The following NELL2 variants were observed in gnomAD, a reference collection of about 807,000 sequenced individuals.
NELL2 encodes neural EGFL like 2, also known as protein kinase C-binding protein NELL2.
NELL2 carries 41 observed loss-of-function variants against 109.6 expected under a neutral mutation model. That is an observed-to-expected ratio of 0.37 (90% CI 0.29 to 0.49). The LOEUF (loss-of-function observed/expected upper bound fraction) is 0.49. Among genes scored for constraint, NELL2 ranks in the 20% least tolerant of loss-of-function variants. The probability of loss-of-function intolerance (pLI) is 0.98; values close to 1 mark genes in which losing one functional copy is unlikely to be tolerated. For synonymous variants in NELL2, 355 were observed against 344.7 expected (o/e 1.03, Z -0.33); for missense variants, 900 against 1,008.3 (o/e 0.89, Z 1.45).
intron 15 of NELL2, among the ~76,000 whole-genome samples, chr12:44,599,833 GAA>G (rs927422952): frequency 1.3e-5 from 2 of 151,974 alleles, no homozygotes; most frequent in African/African-American, 2.4e-5. Context: ...TAATTAGAGA[GAA>G]AGAGACTATG....
At chr12:44,541,910 A>G (rs2139033163) in intron 15 of NELL2, among the ~76,000 whole-genome samples, 1 of 152,322 alleles carries the variant, frequency 6.6e-6, no homozygotes, top group East Asian at 1.9e-4. Flanking sequence ...TTTTTACAAA[A>G]TTATTTAGGG....
intron 2 of NELL2, among the ~76,000 whole-genome samples, chr12:44,845,013 T>G (rs1252863573): frequency 2.0e-5 from 3 of 152,210 alleles, no homozygotes; most frequent in Non-Finnish European, 4.4e-5. Flanking sequence ...TAATCCTTAA[T>G]ACTTTCCATT....
chr12:44,580,771 G>A (rs1944295330), intron 15 of NELL2, among the ~76,000 whole-genome samples: 1 of 152,020 alleles, frequency 6.6e-6, no homozygotes, highest in Admixed American at 6.6e-5. Flanking sequence ...TCTGGAAAAT[G>A]GCTTTAAGTT....
intron 15 of NELL2, among the ~76,000 whole-genome samples, chr12:44,568,997 CT>C (rs1182326010): frequency 6.6e-6 from 1 of 151,910 alleles, no homozygotes; most frequent in Non-Finnish European, 1.5e-5. Context: ...AAGCCTAGTA[CT>C]CATTAGTTAT....
At chr12:44,770,118 A>C (rs2136571550) in intron 9 of NELL2, among the ~76,000 whole-genome samples, 1 of 152,220 alleles carries the variant, frequency 6.6e-6, no homozygotes. Flanking sequence ...ATGAAACCAT[A>C]CCTCCCAAAA....
chr12:44,698,028 G>A (rs1380700302), intron 12 of NELL2, among the ~76,000 whole-genome samples: 8 of 152,136 alleles, frequency 5.3e-5, no homozygotes, highest in Non-Finnish European at 1.2e-4. Flanking sequence ...CCTGATCTCT[G>A]TCTTCATGTT....
chr12:44,893,499 T>C (rs1248276833), intron 1 of NELL2, among the ~76,000 whole-genome samples: 1 of 152,198 alleles, frequency 6.6e-6, no homozygotes, highest in Non-Finnish European at 1.5e-5. Flanking sequence ...AGTGTTAGCA[T>C]TATTTTAAAC....
rs1189742891 is a variant in NELL2 at position 44,795,489 on chromosome 12, A to G, written c.336-15467T>C. Among the ~76,000 whole-genome samples, 4 of 152,348 alleles carry G rather than the reference A, an allele frequency of 2.6e-5. No homozygotes were observed. The South Asian group carries it at 8.3e-4, about 32-fold the overall frequency. On this transcript the variant is annotated intron_variant, in intron 3 of 19. Coordinates refer to ENST00000429094, the MANE Select transcript of NELL2 (RefSeq NM_001145108.2). ...ACACTAAGCAAGATGCCTGAAACAT[A>G]GCAAGCACTCAGTAAATGGTAACTA...
chr12:44,862,141 GA>G (rs1944861026), intron 2 of NELL2, among the ~76,000 whole-genome samples: 1 of 152,166 alleles, frequency 6.6e-6, no homozygotes, highest in Non-Finnish European at 1.5e-5. Flanking sequence ...AAAATAATAA[GA>G]GATCAAAATT....
intron 2 of NELL2, among the ~76,000 whole-genome samples, chr12:44,828,910 A>G (rs763877393): frequency 2.6e-5 from 4 of 152,198 alleles, no homozygotes; most frequent in Non-Finnish European, 5.9e-5. Flanking sequence ...AGTAGTAATG[A>G]TCAACCACAA....
At chr12:44,891,551 G>A (rs767501995) in intron 1 of NELL2, among the ~76,000 whole-genome samples, 1 of 152,038 alleles carries the variant, frequency 6.6e-6, no homozygotes, top group Non-Finnish European at 1.5e-5. Flanking sequence ...TTGAATTTTT[G>A]TTCATTCTTA....
chr12:44,865,721 C>A (rs141318466), intron 2 of NELL2, among the ~76,000 whole-genome samples: 4 of 121,324 alleles, frequency 3.3e-5, no homozygotes, highest in African/African-American at 9.4e-5. Context: ...ATAGATGACA[C>A]GTTAGTGGGT....
chr12:44,525,740 G>C (rs923752832), intron 16 of NELL2, among the ~76,000 whole-genome samples: 1 of 152,188 alleles, frequency 6.6e-6, no homozygotes, highest in African/African-American at 2.4e-5. Context: ...GTCAGTGTCA[G>C]CTGTCATGTA....
At chr12:44,881,852 G>A (rs1038132833) in intron 1 of NELL2, 9 of 151,484 alleles carry the variant, frequency 5.9e-5, no homozygotes, top group Admixed American at 2.0e-4. Flanking sequence ...GAAAACAATA[G>A]AAAAATGGAA....
intron 3 of NELL2, among the ~76,000 whole-genome samples, chr12:44,808,993 C>T (rs995870419): frequency 2.0e-5 from 3 of 152,000 alleles, no homozygotes; most frequent in African/African-American, 7.2e-5. Context: ...ATCTGCAAAG[C>T]ATTCAAAGTC....
At chr12:44,907,635 T>G (rs1251368457) in intron 1 of NELL2, among the ~76,000 whole-genome samples, 3 of 152,076 alleles carry the variant, frequency 2.0e-5, no homozygotes, top group African/African-American at 7.2e-5. Context: ...TGGAATAATT[T>G]TGCCATAAAG....
intron 2 of NELL2, among the ~76,000 whole-genome samples, chr12:44,842,780 T>C (rs1255302338): frequency 1.3e-5 from 2 of 152,026 alleles, no homozygotes; most frequent in Admixed American, 1.3e-4. Context: ...TGACTTTTTT[T>C]TTTTCAAGAA....
At chr12:44,836,631 AAGAG>A (rs1313780031) in intron 2 of NELL2, among the ~76,000 whole-genome samples, 1 of 152,216 alleles carries the variant, frequency 6.6e-6, no homozygotes. Context: ...CAGAGGAAGG[AAGAG>A]AGAAAGTCCT....
intron 13 of NELL2, among the ~76,000 whole-genome samples, chr12:44,661,888 T>C (rs1566109569): frequency 6.6e-6 from 1 of 152,088 alleles, no homozygotes; most frequent in Non-Finnish European, 1.5e-5. Flanking sequence ...CTCTTCTCTA[T>C]TTCCCTCTCT....
Sources: allele counts gnomAD v4.1 joint callset (sites outside exome capture counted in the v4.1 genomes callset), GRCh38; gene constraint gnomAD v4.1.1; transcripts MANE v1.5; gene names NCBI Gene and HGNC (gene_info 2026-07-23, HGNC 2026-07-21).